The following SLC9A9 variants were observed in gnomAD, a reference collection of about 807,000 sequenced individuals.
SLC9A9 encodes the protein solute carrier family 9 member A9, also known as sodium/hydrogen exchanger 9.
In SLC9A9, 62 loss-of-function variants were observed where a neutral mutation model predicts 77.8. The observed-to-expected ratio is 0.80, with a 90% confidence interval of 0.65 to 0.98. The LOEUF is 0.98. SLC9A9 is among the 50% of genes least tolerant of loss of function. The pLI is 0.00. For missense variants in SLC9A9, 775 were observed against 774.9 expected, an observed-to-expected ratio of 1.00 and a Z score of 0.00; for synonymous variants, 320 against 283.5, an observed-to-expected ratio of 1.13 and a Z score of -1.29.
intron 14 of SLC9A9, among the ~76,000 whole-genome samples, chr3:143,288,080 T>G (rs1938429392): frequency 6.6e-6 from 1 of 152,012 alleles, no homozygotes; most frequent in Non-Finnish European, 1.5e-5. Flanking sequence ...AATACTACAA[T>G]AGGAAAAAAT....
chr3:143,377,536 C>T (rs2033206549), intron 13 of SLC9A9, among the ~76,000 whole-genome samples: 4 of 152,070 alleles, frequency 2.6e-5, no homozygotes, highest in Admixed American at 1.3e-4. Context: ...CCAGGTTACA[C>T]ACAAGAATAA....
chr3:143,392,071 C>A (rs138384802), intron 12 of SLC9A9, among the ~76,000 whole-genome samples: 1 of 152,160 alleles, frequency 6.6e-6, no homozygotes, highest in East Asian at 1.9e-4. Flanking sequence ...GCAAGGCAGG[C>A]CAATATTCAA....
intron 4 of SLC9A9, among the ~76,000 whole-genome samples, chr3:143,772,105 A>G (rs1041099790): frequency 1.3e-5 from 2 of 151,610 alleles, no homozygotes; most frequent in Non-Finnish European, 2.9e-5. Context: ...ACTGCCTGAG[A>G]GTGGCACAGA....
chr3:143,609,825 T>C (rs2037991785), intron 6 of SLC9A9, among the ~76,000 whole-genome samples: 1 of 152,248 alleles, frequency 6.6e-6, no homozygotes, highest in Non-Finnish European at 1.5e-5. Flanking sequence ...AAATGTTATA[T>C]GCAGTTAATG....
At chr3:143,743,744 T>A (rs1475395252) in intron 4 of SLC9A9, among the ~76,000 whole-genome samples, 1 of 152,220 alleles carries the variant, frequency 6.6e-6, no homozygotes. Flanking sequence ...GTTCTCTAGG[T>A]ATTCCTTAAT....
intron 4 of SLC9A9, among the ~76,000 whole-genome samples, chr3:143,781,313 T>C (rs1245019585): frequency 1.3e-5 from 2 of 152,124 alleles, no homozygotes; most frequent in East Asian, 1.9e-4. Flanking sequence ...TAACGAAAAG[T>C]TGGGAATTGT....
At chr3:143,634,605 C>CA (rs2038482588) in intron 6 of SLC9A9, among the ~76,000 whole-genome samples, 1 of 152,096 alleles carries the variant, frequency 6.6e-6, no homozygotes, top group South Asian at 2.1e-4. Context: ...TTGCTCTGAA[C>CA]ATTTTTGTTT....
At chr3:143,758,242 T>C (rs1028907064) in intron 4 of SLC9A9, among the ~76,000 whole-genome samples, 12 of 152,198 alleles carry the variant, frequency 7.9e-5, no homozygotes, top group Non-Finnish European at 7.4e-5. Context: ...GAAAATCTTA[T>C]GTAGAACAGA....
intron 14 of SLC9A9, among the ~76,000 whole-genome samples, chr3:143,307,784 G>A (rs752403456): frequency 6.6e-6 from 1 of 152,032 alleles, no homozygotes; most frequent in South Asian, 2.1e-4. Context: ...TGCCTTTAAG[G>A]ACCTACATGC....
intron 8 of SLC9A9, among the ~76,000 whole-genome samples, chr3:143,553,934 A>C (rs895114536): frequency 6.6e-6 from 1 of 152,250 alleles, no homozygotes; most frequent in East Asian, 1.9e-4. Flanking sequence ...GTGCTGAAGC[A>C]CTAAGTACTT....
At chr3:143,435,207 C>T (rs2034598574) in intron 12 of SLC9A9, among the ~76,000 whole-genome samples, 1 of 151,968 alleles carries the variant, frequency 6.6e-6, no homozygotes. Flanking sequence ...TTCTCTTCTA[C>T]CTGGTTATAC....
At chr3:143,798,163 C>G (rs796193709) in intron 2 of SLC9A9, among the ~76,000 whole-genome samples, 2 of 152,214 alleles carry the variant, frequency 1.3e-5, no homozygotes, top group South Asian at 2.1e-4. Flanking sequence ...AATCTTGGCG[C>G]CACACTTCAA....
intron 12 of SLC9A9, among the ~76,000 whole-genome samples, chr3:143,450,268 A>T (rs539120176): frequency 1.0e-4 from 15 of 144,490 alleles, no homozygotes; most frequent in Non-Finnish European, 2.1e-4. Flanking sequence ...CATAAAAATT[A>T]TTCTAGTCTG....
At chr3:143,754,071 G>A (rs556930332) in intron 4 of SLC9A9, among the ~76,000 whole-genome samples, 21 of 152,160 alleles carry the variant, frequency 1.4e-4, no homozygotes, top group African/African-American at 2.4e-4. Flanking sequence ...GTTTTGGATC[G>A]GCCTTTCAGA....
chr3:143,453,754 C>T (rs1168774715), intron 12 of SLC9A9, among the ~76,000 whole-genome samples: 2 of 151,504 alleles, frequency 1.3e-5, no homozygotes, highest in Admixed American at 6.6e-5. Context: ...GCTGTTATTA[C>T]CCCCATTCTA....
At position 143,733,291 on chromosome 3, in the gene SLC9A9, C is replaced by T. The variant is rs192489490; in HGVS notation, c.534-39984G>A. Among the ~76,000 whole-genome samples, 137 of 152,232 alleles carry T rather than the reference C, an allele frequency of 9.0e-4. 1 individual carries two copies. The highest frequency in any genetic ancestry group is 3.2e-3 in the African/African-American group (133 of 41,526). On this transcript the variant is annotated intron_variant, in intron 4 of 15. Transcript: ENST00000316549. ...TTCAGCCAAGCCAAGTTTTCAAGTC[C>T]TCTCACACTCAGGCTCAAGTCCAGA...
At chr3:143,281,741 C>G (rs975116684) in intron 14 of SLC9A9, among the ~76,000 whole-genome samples, 2 of 152,210 alleles carry the variant, frequency 1.3e-5, no homozygotes, top group African/African-American at 4.8e-5. Context: ...ATCCAGACTA[C>G]AAGTGCATCC....
chr3:143,273,093 C>A (rs895317057), intron 14 of SLC9A9, among the ~76,000 whole-genome samples: 1 of 152,236 alleles, frequency 6.6e-6, no homozygotes, highest in Admixed American at 6.5e-5. Context: ...TTTAAATCAT[C>A]ATGTTTTGTC....
At chr3:143,635,740 A>T (rs2038510527) in intron 6 of SLC9A9, among the ~76,000 whole-genome samples, 1 of 152,194 alleles carries the variant, frequency 6.6e-6, no homozygotes, top group African/African-American at 2.4e-5. Context: ...TCTAAACAGC[A>T]GAATATTGGA....
Sources: gnomAD v4.1 joint callset for allele counts (sites outside exome capture counted in the v4.1 genomes callset) on GRCh38, gnomAD v4.1.1 for gene constraint, MANE v1.5 for transcripts, NCBI Gene and HGNC (gene_info 2026-07-23, HGNC 2026-07-21) for gene names.